The following ZNF831 variants were observed in gnomAD, a reference collection of about 807,000 sequenced individuals.
The protein encoded by ZNF831 is chromosome 20 open reading frame 174.
In ZNF831, 59 loss-of-function variants were observed where a neutral mutation model predicts 95.8. That is an observed-to-expected ratio of 0.62 (90% confidence interval 0.50 to 0.77). The LOEUF is 0.77. Among genes scored for constraint, ZNF831 ranks in the 30% least tolerant of loss-of-function variants. The pLI, the probability that ZNF831 is intolerant of heterozygous loss-of-function variation, is 0.00. For synonymous variants in ZNF831, 961 were observed against 925.5 expected (o/e 1.04, Z -0.70); for missense variants, 2,205 against 2,164.0 (o/e 1.02, Z -0.38).
intron 1 of ZNF831, among the ~76,000 whole-genome samples, chr20:59,143,750 CT>C (rs1979754970): frequency 6.6e-6 from 1 of 152,192 alleles, no homozygotes; most frequent in Admixed American, 6.5e-5. Flanking sequence ...TCACTTTCTC[CT>C]TTTCTTGGCC....
chr20:59,171,102 G>A (rs1601328352), intron 1 of ZNF831, among the ~76,000 whole-genome samples: 1 of 152,216 alleles, frequency 6.6e-6, no homozygotes, highest in East Asian at 1.9e-4. Flanking sequence ...GATTACTGCT[G>A]GGCTGAGGCT....
intron 4 of ZNF831, among the ~76,000 whole-genome samples, chr20:59,210,871 A>AGGAG (rs1258333249): frequency 7.4e-6 from 1 of 135,850 alleles, no homozygotes; most frequent in Non-Finnish European, 1.6e-5. Flanking sequence ...GTCTCTACTA[A>AGGAG]AAATACAAAA....
chr20:59,189,825 G>A (rs1024932868), intron 1 of ZNF831, among the ~76,000 whole-genome samples: 4 of 152,132 alleles, frequency 2.6e-5, no homozygotes, highest in African/African-American at 4.8e-5. Context: ...TACTACTTCC[G>A]CCACACCCTG....
At chr20:59,239,889 A>G (rs1195742164) in intron 4 of ZNF831, among the ~76,000 whole-genome samples, 1 of 152,178 alleles carries the variant, frequency 6.6e-6, no homozygotes, top group Non-Finnish European at 1.5e-5. Flanking sequence ...TATTGAGAGA[A>G]GATTCTGGGG....
intron 1 of ZNF831, among the ~76,000 whole-genome samples, chr20:59,142,085 G>A (rs966689042): frequency 1.3e-5 from 2 of 152,294 alleles, no homozygotes; most frequent in South Asian, 2.1e-4. Flanking sequence ...TGTATTGACC[G>A]AGAGGGCAAG....
intron 1 of ZNF831, among the ~76,000 whole-genome samples, chr20:59,182,201 A>G (rs1309927226): frequency 1.3e-5 from 2 of 152,204 alleles, no homozygotes; most frequent in African/African-American, 4.8e-5. Context: ...ATGGTGTCAC[A>G]TAAAGGTCAG....
In ZNF831 at chr20:59,207,173, C is replaced by A. The variant is rs544982377; in HGVS notation, c.4027+117C>A. 2.1e-4 allele frequency: 263 copies of A among 1,269,192 alleles called. 1 individual carries two copies. Among genetic ancestry groups the A allele is most frequent in the Admixed American group, 5.9e-4 (23 of 39,180 alleles). The allele number at this position is 1,269,192 out of a possible 1,614,324, so 78.6% of individuals were successfully genotyped here. On this transcript the variant is annotated intron_variant, in intron 4 of 5. Coordinates refer to ENST00000371030, the MANE Select transcript of ZNF831 (RefSeq NM_178457.3). ...AGCCCCAAGTGCCACAGGGGTCAGGCCCAAAAGGGAGAGTAACAGAGGCAT... is the reference window on the plus strand; with the variant it reads ...AGCCCCAAGTGCCACAGGGGTCAGGACCAAAAGGGAGAGTAACAGAGGCAT...
At chr20:59,149,512 A>G (rs1980095254) in intron 2 of ZNF831, among the ~76,000 whole-genome samples, 1 of 152,254 alleles carries the variant, frequency 6.6e-6, no homozygotes, top group Admixed American at 6.5e-5. Flanking sequence ...AAAGATATAA[A>G]ACTTTAACCT....
Position 59,153,426 on chromosome 20 carries a change from C to G in ZNF831, c.-1280-6226C>G, listed in dbSNP as rs529395080. 9.8e-5 allele frequency among the ~76,000 whole-genome samples: 15 copies of G among 152,360 alleles called. 1 individual carries two copies. In the South Asian group the frequency reaches 2.7e-3, roughly 27 times the overall value. On this transcript the variant is annotated intron_variant, in intron 2 of 7. Transcript: ENST00000637017. ...GCGCATCTTCCTGGGACAGCCTCCC[C>G]CTGGGAGCGGAAGGCTTGGCAGGAG... is the stretch of plus-strand genomic sequence containing the variant.
chr20:59,253,864 C>A, intron 5 of ZNF831, 34 bp from the exon 6 acceptor site: 1 of 1,118,292 alleles, frequency 8.9e-7, no homozygotes, highest in African/African-American at 1.8e-5. Flanking sequence ...TAACCTCCCC[C>A]CCCACTTTTT....
chr20:59,242,536 G>A (rs182786248), intron 4 of ZNF831, among the ~76,000 whole-genome samples: 4 of 152,156 alleles, frequency 2.6e-5, no homozygotes, highest in Admixed American at 6.5e-5. Flanking sequence ...ATGACTTTCC[G>A]CTAAATATTG....
In ZNF831 at chr20:59,191,167, C is replaced by G. The variant is rs553290407; in HGVS notation, c.148C>G (p.Pro50Ala). The G allele has an allele frequency of 2.5e-6, 4 of 1,602,314 alleles. No individual in the cohort carries two copies. The highest frequency in any genetic ancestry group is 2.2e-5 in the South Asian group (2 of 90,386). ...VLLPPEQGLA[P>A]PTVFLKALPI... is the part of the protein sequence containing the mutation. ...TCTGCCGCCAGAGCAGGGCCTGGCC[C>G]CCCCCACTGTGTTCCTGAAGGCCCT... Residue 50 changes from proline to alanine, a missense_variant, in exon 2 of 6, where the codon CCC (proline) becomes GCC (alanine). Pro to Ala is a conservative substitution (Grantham distance 27). Coordinates refer to ENST00000371030, the MANE Select transcript of ZNF831 (RefSeq NM_178457.3).
chr20:59,180,788 G>T (rs1177740448), intron 1 of ZNF831, among the ~76,000 whole-genome samples: 1 of 152,166 alleles, frequency 6.6e-6, no homozygotes, highest in Non-Finnish European at 1.5e-5. Flanking sequence ...TGGGCATTTG[G>T]GTTGGTTCCA....
At chr20:59,165,382 G>A (rs371671994) in intron 1 of ZNF831, among the ~76,000 whole-genome samples, 4 of 152,186 alleles carry the variant, frequency 2.6e-5, no homozygotes, top group South Asian at 2.1e-4. Context: ...AGTCTACCAC[G>A]TCTGGACAAA....
At chr20:59,188,710 T>C (rs1371370439) in intron 1 of ZNF831, among the ~76,000 whole-genome samples, 1 of 152,180 alleles carries the variant, frequency 6.6e-6, no homozygotes, top group Non-Finnish European at 1.5e-5. Flanking sequence ...TGTTATTGCA[T>C]TGTAAGAGTT....
intron 1 of ZNF831, among the ~76,000 whole-genome samples, chr20:59,130,026 G>T (rs1979300421): frequency 6.6e-6 from 1 of 152,160 alleles, no homozygotes; most frequent in African/African-American, 2.4e-5. Context: ...CCTTGGGTTG[G>T]GTGTGGTTAG....
chr20:59,157,180 GT>G (rs1310463146), intron 2 of ZNF831, among the ~76,000 whole-genome samples: 1 of 152,130 alleles, frequency 6.6e-6, no homozygotes, highest in African/African-American at 2.4e-5. Context: ...TCTAACTATA[GT>G]TTTGTACCCA....
rs1981053803 is a variant in ZNF831 at position 59,163,973 on chromosome 20, T to C, written c.-271T>C. Among the ~76,000 whole-genome samples, 1 of 152,204 alleles carries C rather than the reference T, an allele frequency of 6.6e-6. No homozygotes were observed. The highest frequency in any genetic ancestry group is 1.5e-5 in the Non-Finnish European group (1 of 68,042). ...CTAAGGCTCAGGGAGCATCTCTCCG[T>C]TCTCTGAGATGCTGCCTGCAGAGTA... On this transcript the variant is annotated 5_prime_UTR_variant, in exon 1 of 6. Coordinates refer to ENST00000371030, the MANE Select transcript of ZNF831 (RefSeq NM_178457.3).
At chr20:59,166,212 G>C (rs937349038) in intron 1 of ZNF831, among the ~76,000 whole-genome samples, 1 of 152,164 alleles carries the variant, frequency 6.6e-6, no homozygotes, top group African/African-American at 2.4e-5. Flanking sequence ...TCTGTGCAGA[G>C]TCGGTGTTTC....
Sources: allele counts gnomAD v4.1 joint callset (sites outside exome capture counted in the v4.1 genomes callset), GRCh38; gene constraint gnomAD v4.1.1; transcripts MANE v1.5; gene names NCBI Gene and HGNC (gene_info 2026-07-23, HGNC 2026-07-21).